Variants in KANSL1L observed in about 807,000 individuals in gnomAD.
The protein encoded by KANSL1L is KAT8 regulatory NSL complex subunit 1 like.
KANSL1L carries 25 observed loss-of-function variants against 108.6 expected under a neutral mutation model. The observed-to-expected ratio is 0.23, with a 90% CI of 0.17 to 0.32. The LOEUF (loss-of-function observed/expected upper bound fraction) is 0.32, where lower values mean the gene tolerates loss of function less well. Ranked by LOEUF, KANSL1L falls within the 10% of genes least tolerant of loss-of-function variation. KANSL1L has a pLI of 1.00. For missense variants in KANSL1L, 1,137 were observed against 1,125.7 expected (o/e 1.01, Z -0.14); for synonymous variants, 405 against 395.1 (o/e 1.03, Z -0.30).
At chr2:210,132,888 A>C (rs1238636679) in intron 2 of KANSL1L, among the ~76,000 whole-genome samples, 1 of 152,158 alleles carries the variant, frequency 6.6e-6, no homozygotes, top group African/African-American at 2.4e-5. Flanking sequence ...GGAATGGTTT[A>C]TTCCTTGAGT....
At chr2:210,055,945 T>C (rs1451695218) in intron 6 of KANSL1L, among the ~76,000 whole-genome samples, 1 of 152,144 alleles carries the variant, frequency 6.6e-6, no homozygotes. Flanking sequence ...ACCAAGACAA[T>C]GGGGAAAATG....
intron 5 of KANSL1L, among the ~76,000 whole-genome samples, chr2:210,095,716 G>A (rs1168974768): frequency 6.6e-6 from 1 of 152,062 alleles, no homozygotes; most frequent in Non-Finnish European, 1.5e-5. Context: ...CTTATAAAGA[G>A]CTATTAAACT....
chr2:210,042,758 TAAG>T (rs2094179651), intron 7 of KANSL1L, among the ~76,000 whole-genome samples: 2 of 152,280 alleles, frequency 1.3e-5, no homozygotes, highest in Non-Finnish European at 2.9e-5. Context: ...ATCATATTAT[TAAG>T]GTTTCCTCAA....
At chr2:210,058,299 TA>T (rs2094378461) in intron 6 of KANSL1L, among the ~76,000 whole-genome samples, 1 of 152,162 alleles carries the variant, frequency 6.6e-6, no homozygotes, top group African/African-American at 2.4e-5. Flanking sequence ...TCCCACCTAA[TA>T]AATTTTGGTC....
At chr2:210,073,426 T>C (rs914084954) in intron 6 of KANSL1L, among the ~76,000 whole-genome samples, 1 of 151,842 alleles carries the variant, frequency 6.6e-6, no homozygotes, top group African/African-American at 2.4e-5. Flanking sequence ...ATGGGCACAG[T>C]AGCTCACACC....
intron 3 of KANSL1L, among the ~76,000 whole-genome samples, chr2:210,121,235 A>C (rs2095016775): frequency 6.6e-6 from 1 of 152,248 alleles, no homozygotes; most frequent in African/African-American, 2.4e-5. Flanking sequence ...GCAAAGGCAT[A>C]GAATCAACCC....
At chr2:210,148,450 C>A (rs1370316091) in intron 2 of KANSL1L, among the ~76,000 whole-genome samples, 1 of 152,144 alleles carries the variant, frequency 6.6e-6, no homozygotes, top group Non-Finnish European at 1.5e-5. Context: ...GTTCAGTGTT[C>A]ATGGACCTGA....
intron 3 of KANSL1L, among the ~76,000 whole-genome samples, chr2:210,124,051 T>C (rs2095044781): frequency 6.6e-6 from 1 of 152,066 alleles, no homozygotes; most frequent in Admixed American, 6.5e-5. Flanking sequence ...AATTCTAAAA[T>C]AATAGTTGGA....
Position 210,158,112 on chromosome 2 carries a change from G to A in KANSL1L, c.-29-3501C>T, listed in dbSNP as rs534562705. Among the ~76,000 whole-genome samples the A allele has an allele frequency of 3.3e-5, 5 of 152,170 alleles. No homozygotes were observed. In the South Asian group the frequency reaches 8.3e-4, roughly 25 times the overall value. On this transcript the variant is annotated intron_variant, in intron 1 of 14. Transcript: ENST00000281772. ...AACCTTAATAATCCCCACCCTCTTCGTATTCATGCCCTTGTTTAATCCTCT... is the reference window on the plus strand; with the variant it reads ...AACCTTAATAATCCCCACCCTCTTCATATTCATGCCCTTGTTTAATCCTCT...
intron 5 of KANSL1L, among the ~76,000 whole-genome samples, chr2:210,076,907 T>C (rs1335418842): frequency 6.6e-6 from 1 of 152,118 alleles, no homozygotes; most frequent in Non-Finnish European, 1.5e-5. Context: ...TGCTATTATG[T>C]GATACTGCTG....
At chr2:210,023,774 G>A (rs181625297) in intron 14 of KANSL1L, among the ~76,000 whole-genome samples, 5 of 152,122 alleles carry the variant, frequency 3.3e-5, no homozygotes, top group African/African-American at 1.2e-4. Flanking sequence ...CATTAATCAG[G>A]TTTGTTTCGT....
Position 210,104,185 on chromosome 2 carries a change from C to T in KANSL1L, c.1347G>A (p.Glu449=). The T allele has an allele frequency of 6.2e-7, 1 of 1,613,782 alleles. No individual in the cohort carries two copies. Residue 449 remains glutamate, a synonymous_variant, in exon 4 of 15, where the codon GAG becomes GAA. Coordinates refer to ENST00000281772, the MANE Select transcript of KANSL1L (RefSeq NM_152519.4). ...NILGNPQVPQ[E]CQDPVPEQDF... is the part of the protein sequence containing the mutation. ...CTTGTTCCGGTACAGGATCTTGACA[C>T]TCCTGGGGAACCTGAGGATTCCCTA... is the stretch of plus-strand genomic sequence containing the variant.
At chr2:210,030,324 A>AT (rs1250218182) in intron 9 of KANSL1L, among the ~76,000 whole-genome samples, 5 of 151,736 alleles carry the variant, frequency 3.3e-5, no homozygotes, top group Non-Finnish European at 5.9e-5. Flanking sequence ...AACACTCTTA[A>AT]TTTTTTGAAA....
chr2:210,167,622 A>G (rs1688064558), intron 1 of KANSL1L, among the ~76,000 whole-genome samples: 1 of 152,036 alleles, frequency 6.6e-6, no homozygotes, highest in Non-Finnish European at 1.5e-5. Context: ...CTGAATAAAA[A>G]TTTGTTTAAA....
At chr2:210,138,209 AC>A (rs1339256795) in intron 2 of KANSL1L, among the ~76,000 whole-genome samples, 3 of 152,116 alleles carry the variant, frequency 2.0e-5, no homozygotes, top group African/African-American at 7.2e-5. Flanking sequence ...AGTGCTAATC[AC>A]AGAAACAGAA....
chr2:210,069,169 C>A (rs2094488904), intron 6 of KANSL1L, among the ~76,000 whole-genome samples: 1 of 152,192 alleles, frequency 6.6e-6, no homozygotes, highest in Non-Finnish European at 1.5e-5. Flanking sequence ...TTCCACCTCA[C>A]AGTAGAATAT....
chr2:210,129,684 A>G (rs994818489), intron 2 of KANSL1L, among the ~76,000 whole-genome samples: 7 of 152,188 alleles, frequency 4.6e-5, no homozygotes, highest in African/African-American at 1.7e-4. Context: ...TCATTTTTTA[A>G]AAGCTATCAA....
intron 5 of KANSL1L, among the ~76,000 whole-genome samples, chr2:210,093,446 T>A (rs1336567777): frequency 6.6e-6 from 1 of 152,184 alleles, no homozygotes; most frequent in Non-Finnish European, 1.5e-5. Context: ...TCAACTGGCC[T>A]GATTTATCTT....
At chr2:210,124,240 T>C (rs2095046303) in intron 3 of KANSL1L, among the ~76,000 whole-genome samples, 1 of 152,112 alleles carries the variant, frequency 6.6e-6, no homozygotes, top group Non-Finnish European at 1.5e-5. Flanking sequence ...TTTTCCCAGA[T>C]GGACCATATG....
Sources: allele counts gnomAD v4.1 joint callset (sites outside exome capture counted in the v4.1 genomes callset), GRCh38; gene constraint gnomAD v4.1.1; transcripts MANE v1.5; gene names NCBI Gene and HGNC (gene_info 2026-07-23, HGNC 2026-07-21).